Variants in MYL12B observed in about 807,000 individuals in gnomAD.
The protein encoded by MYL12B is myosin regulatory light chain 12B.
MYL12B carries 3 observed loss-of-function variants against 12.9 expected under a neutral mutation model. The ratio of observed to expected loss-of-function variants is 0.23; its 90% CI spans 0.11 to 0.60. The LOEUF (loss-of-function observed/expected upper bound fraction) is 0.60. MYL12B is among the 20% of genes least tolerant of loss of function. The pLI, the probability that MYL12B is intolerant of heterozygous loss-of-function variation, is 0.89. For synonymous variants in MYL12B, 57 were observed against 71.9 expected, an observed-to-expected ratio of 0.79 and a Z score of 1.05; for missense variants, 120 against 215.4, an observed-to-expected ratio of 0.56 and a Z score of 2.77.
intron 1 of MYL12B, among the ~76,000 whole-genome samples, chr18:3,263,985 T>C (rs1271722953): frequency 6.6e-6 from 1 of 152,186 alleles, no homozygotes; most frequent in Non-Finnish European, 1.5e-5. Context: ...ACCTATATGA[T>C]GAGTTGTCGT....
chr18:3,274,513 TAGA>T (rs2081712573), intron 2 of MYL12B, among the ~76,000 whole-genome samples: 3 of 152,142 alleles, frequency 2.0e-5, no homozygotes, highest in South Asian at 2.1e-4. Context: ...AGCCACGTGG[TAGA>T]AGAAGATTTA....
rs186394957 is a variant in MYL12B, at chr18:3,278,288, C to T, written c.*351C>T. The T allele has an allele frequency of 8.8e-5, 16 of 181,036 alleles. No individual in the cohort carries two copies. Among genetic ancestry groups the T allele is most frequent in the Admixed American group, 3.1e-4 (5 of 16,184 alleles). The allele number at this position is 181,036 out of a possible 1,614,324, so 11.2% of individuals were successfully genotyped here. On this transcript the variant is annotated 3_prime_UTR_variant, in exon 4 of 4. Coordinates refer to ENST00000237500, the MANE Select transcript of MYL12B (RefSeq NM_033546.4). ...TGCTGACTCAAATGCAATGTAATGGCAAGTTAAACAAATGATTGATAGGTG... is the reference window on the plus strand; with the variant it reads ...TGCTGACTCAAATGCAATGTAATGGTAAGTTAAACAAATGATTGATAGGTG...
Position 3,277,983 on chromosome 18 carries a change from T to C in MYL12B, c.*46T>C. ...TCCAGTTACATTGTCTTACTCTCTT[T>C]TACTTCTCAGACACTTCCCCCACCC... On this transcript the variant is annotated 3_prime_UTR_variant, in exon 4 of 4. Coordinates refer to ENST00000237500, the MANE Select transcript of MYL12B (RefSeq NM_033546.4). 5.0e-6 allele frequency: 8 copies of C among 1,589,042 alleles called. No homozygotes were observed. The highest frequency in any genetic ancestry group is 6.9e-6 in the Non-Finnish European group (8 of 1,166,852).
intron 1 of MYL12B, among the ~76,000 whole-genome samples, chr18:3,264,793 G>C (rs2081624142): frequency 6.6e-6 from 1 of 152,026 alleles, no homozygotes; most frequent in Middle Eastern, 3.4e-3. Flanking sequence ...CTAATCTATG[G>C]TGATAGAAAT....
intron 2 of MYL12B, among the ~76,000 whole-genome samples, chr18:3,275,461 A>G (rs574700208): frequency 2.2e-4 from 33 of 152,210 alleles, no homozygotes; most frequent in Non-Finnish European, 4.6e-4. Flanking sequence ...TATAGTTGGA[A>G]TGTTGGTAAC....
At chr18:3,268,431 A>G (rs2081651237) in intron 1 of MYL12B, among the ~76,000 whole-genome samples, 1 of 152,198 alleles carries the variant, frequency 6.6e-6, no homozygotes, top group Admixed American at 6.5e-5. Context: ...TTAAACATTA[A>G]TAAATTGGAC....
chr18:3,265,553 C>T (rs1471156119), intron 1 of MYL12B, among the ~76,000 whole-genome samples: 1 of 146,698 alleles, frequency 6.8e-6, no homozygotes, highest in Non-Finnish European at 1.5e-5. Context: ...CTAACAAGAC[C>T]CTCTCAGAGT....
chr18:3,262,175 A>C lies in MYL12B; in HGVS notation c.-78A>C, dbSNP rs1005639925. On this transcript the variant is annotated 5_prime_UTR_variant, in exon 1 of 4. Coordinates refer to ENST00000237500, the MANE Select transcript of MYL12B (RefSeq NM_033546.4). ...GCCGCCACTGTCCGGCCACAGCCTA[A>C]CGCTCTTCGCTGTCGTTTGTGGTCT... 1 of 151,862 alleles carries C rather than the reference A, an allele frequency of 6.6e-6. No homozygotes were observed. The highest frequency in any genetic ancestry group is 2.4e-5 in the African/African-American group (1 of 41,386). 9.4% of individuals were successfully genotyped at this position (151,862 alleles called of 1,614,324 possible).
At chr18:3,264,165 T>C (rs2081618209) in intron 1 of MYL12B, among the ~76,000 whole-genome samples, 1 of 152,172 alleles carries the variant, frequency 6.6e-6, no homozygotes, top group African/African-American at 2.4e-5. Context: ...AGGTAGACCG[T>C]AGAGAAAAGC....
intron 2 of MYL12B, among the ~76,000 whole-genome samples, chr18:3,273,861 T>TC (rs1555636126): frequency 7.0e-6 from 1 of 142,952 alleles, no homozygotes. Context: ...GTTTTTTTTT[T>TC]CTCTCTTTTA....
intron 3 of MYL12B, 139 bp downstream of exon 3, chr18:3,277,553 C>T: frequency 7.2e-7 from 1 of 1,381,886 alleles, no homozygotes; most frequent in Non-Finnish European, 9.7e-7. Flanking sequence ...TGTTTCTGAG[C>T]TTTTAAATGA....
At chr18:3,276,180 T>TA (rs1567992411) in intron 2 of MYL12B, among the ~76,000 whole-genome samples, 1 of 151,326 alleles carries the variant, frequency 6.6e-6, no homozygotes, top group Non-Finnish European at 1.5e-5. Context: ...TAGACTTTTT[T>TA]AAAAAAAGAA....
At chr18:3,273,409 A>T (rs1336346351) in intron 2 of MYL12B, among the ~76,000 whole-genome samples, 2 of 152,198 alleles carry the variant, frequency 1.3e-5, no homozygotes, top group Non-Finnish European at 2.9e-5. Context: ...TATACTTAAT[A>T]AAGGTTGAGT....
intron 2 of MYL12B, chr18:3,276,782 A>G (rs974326276): frequency 5.9e-5 from 25 of 422,058 alleles, no homozygotes; most frequent in Non-Finnish European, 2.2e-5. Context: ...CACGCCTGCA[A>G]TCCCATCACT....
intron 1 of MYL12B, among the ~76,000 whole-genome samples, chr18:3,266,794 G>C (rs1010977759): frequency 7.9e-5 from 12 of 152,152 alleles, no homozygotes; most frequent in African/African-American, 2.9e-4. Context: ...AGGTCATCCT[G>C]GGGATTACTA....
At chr18:3,265,474 C>G (rs888839427) in intron 1 of MYL12B, among the ~76,000 whole-genome samples, 1 of 152,198 alleles carries the variant, frequency 6.6e-6, no homozygotes, top group Non-Finnish European at 1.5e-5. Context: ...GAACTACTCT[C>G]TGCTTTTCTG....
intron 1 of MYL12B, among the ~76,000 whole-genome samples, chr18:3,268,293 G>A (rs1393998782): frequency 2.0e-5 from 3 of 152,194 alleles, no homozygotes; most frequent in African/African-American, 7.2e-5. Context: ...GAAGGAAGAA[G>A]TGTTTTTACT....
chr18:3,277,339 G>A lies in MYL12B; in HGVS notation c.271G>A (p.Gly91Ser), dbSNP rs2081741222. ...INFTMFLTMF[G>S]EKLNGTDPED... ...TTTCACCATGTTCCTGACCATGTTT[G>A]GTGAGAAGTTAAATGGCACAGATCC... Residue 91 changes from glycine to serine, a missense_variant, in exon 3 of 4, where the codon GGT (glycine) becomes AGT (serine). Gly to Ser is a moderately conservative substitution (Grantham distance 56). Transcript: ENST00000237500. 1 of 1,613,994 alleles carries A rather than the reference G, an allele frequency of 6.2e-7. No homozygotes were observed. Among genetic ancestry groups the A allele is most frequent in the Non-Finnish European group, 8.5e-7 (1 of 1,179,898 alleles).
intron 1 of MYL12B, chr18:3,272,248 A>AGAGGTTATGTTATACTGGTAGT (rs1193388036): frequency 2.9e-5 from 2 of 69,740 alleles, no homozygotes; most frequent in Non-Finnish European, 3.2e-5. Flanking sequence ...TTTACTGATG[A>AGAGGTTATGTTATACTGGTAGT]AAAATTGAGG....
Sources: allele counts gnomAD v4.1 joint callset (sites outside exome capture counted in the v4.1 genomes callset), GRCh38; gene constraint gnomAD v4.1.1; transcripts MANE v1.5; gene names NCBI Gene and HGNC (gene_info 2026-07-23, HGNC 2026-07-21).